Variants in POFUT3 observed in about 807,000 individuals in gnomAD.
POFUT3 encodes the protein protein O-fucosyltransferase 3.
At chr8:33,439,002 C>CA in the POFUT3 span, among the ~76,000 whole-genome samples, 1 of 152,134 alleles carries the variant, frequency 6.6e-6, no homozygotes, top group East Asian at 1.9e-4. Context: ...ATATCACCCA[C>CA]AAAAAATACA....
chr8:33,458,912 A>G, the POFUT3 span, among the ~76,000 whole-genome samples: 2 of 152,166 alleles, frequency 1.3e-5, no homozygotes, highest in Non-Finnish European at 2.9e-5. Flanking sequence ...TGTCTGCCAA[A>G]GTGCTTTTAT....
At chr8:33,457,349 A>G in the POFUT3 span, among the ~76,000 whole-genome samples, 1 of 152,116 alleles carries the variant, frequency 6.6e-6, no homozygotes, top group Non-Finnish European at 1.5e-5. Flanking sequence ...TACAAAAATT[A>G]GCTGTGCGTG....
the POFUT3 span, among the ~76,000 whole-genome samples, chr8:33,431,236 G>A: frequency 6.6e-6 from 1 of 151,898 alleles, no homozygotes; most frequent in Non-Finnish European, 1.5e-5. Context: ...GGCTAATCAT[G>A]CCCATGTGGC....
chr8:33,387,115 G>A, the POFUT3 span, among the ~76,000 whole-genome samples: 2 of 152,088 alleles, frequency 1.3e-5, no homozygotes, highest in South Asian at 4.1e-4. Flanking sequence ...GTGTGTGTGT[G>A]TGTGTATTTA....
At chr8:33,459,564 G>T in the POFUT3 span, among the ~76,000 whole-genome samples, 2 of 151,176 alleles carry the variant, frequency 1.3e-5, no homozygotes, top group Non-Finnish European at 2.9e-5. Flanking sequence ...ATTTTTTTGA[G>T]CCTGGGAGGT....
chr8:33,380,056 A>AG, the POFUT3 span, among the ~76,000 whole-genome samples: 2 of 79,820 alleles, frequency 2.5e-5, no homozygotes, highest in African/African-American at 1.3e-4. Flanking sequence ...TATACACTAT[A>AG]TATATACACT....
At chr8:33,316,162 G>C in the POFUT3 span, among the ~76,000 whole-genome samples, 2 of 152,248 alleles carry the variant, frequency 1.3e-5, no homozygotes, top group South Asian at 2.1e-4. Context: ...ATGGGGATAA[G>C]AGAGGTTCTG....
chr8:33,411,216 T>C, the POFUT3 span, among the ~76,000 whole-genome samples: 1 of 152,134 alleles, frequency 6.6e-6, no homozygotes, highest in East Asian at 1.9e-4. Context: ...AAGGTACATA[T>C]GAATATTAAG....
the POFUT3 span, among the ~76,000 whole-genome samples, chr8:33,381,547 C>T: frequency 6.6e-6 from 1 of 152,308 alleles, no homozygotes; most frequent in Admixed American, 6.5e-5. Flanking sequence ...AGTTCATGCT[C>T]TCCTGGTAAG....
the POFUT3 span, among the ~76,000 whole-genome samples, chr8:33,409,466 C>T: frequency 2.9e-3 from 436 of 152,342 alleles, 4 homozygotes; most frequent in African/African-American, 9.7e-3. Context: ...TTACTCCACT[C>T]CCTTATCTAA....
chr8:33,319,897 T>G, the POFUT3 span, among the ~76,000 whole-genome samples: 1 of 148,164 alleles, frequency 6.7e-6, no homozygotes, highest in Non-Finnish European at 1.5e-5. Flanking sequence ...GCACCTGGAC[T>G]TGAGTTACTG....
the POFUT3 span, among the ~76,000 whole-genome samples, chr8:33,312,710 C>T: frequency 1.3e-5 from 2 of 152,096 alleles, no homozygotes; most frequent in African/African-American, 4.8e-5. Flanking sequence ...TCATCCTGTG[C>T]AGTTTGTGGC....
the POFUT3 span, among the ~76,000 whole-genome samples, chr8:33,401,277 T>C: frequency 0.29 from 43,755 of 152,018 alleles, 6,666 homozygotes; most frequent in East Asian, 0.47. Flanking sequence ...TGAGCCACTG[T>C]GCCTGGCCTA....
chr8:33,353,795 AT>A, the POFUT3 span, among the ~76,000 whole-genome samples: 1 of 152,098 alleles, frequency 6.6e-6, no homozygotes, highest in African/African-American at 2.4e-5. Context: ...GGTTGTTAGA[AT>A]TTATCTCTCT....
the POFUT3 span, among the ~76,000 whole-genome samples, chr8:33,370,055 G>C: frequency 6.6e-6 from 1 of 151,750 alleles, no homozygotes; most frequent in Non-Finnish European, 1.5e-5. Flanking sequence ...TGAATGGCCA[G>C]GCGCAGTGGC....
chr8:33,389,732 T>G, the POFUT3 span: 1 of 1,614,170 alleles, frequency 6.2e-7, no homozygotes, highest in South Asian at 1.1e-5. Context: ...GGACTCTTCA[T>G]GAAAAACAGC....
the POFUT3 span, among the ~76,000 whole-genome samples, chr8:33,404,415 T>A: frequency 6.6e-6 from 1 of 150,902 alleles, no homozygotes; most frequent in Non-Finnish European, 1.5e-5. Context: ...TTTGGGAGTG[T>A]GGGATGTGCT....
At chr8:33,354,417 A>G in the POFUT3 span, among the ~76,000 whole-genome samples, 2 of 152,156 alleles carry the variant, frequency 1.3e-5, no homozygotes, top group Non-Finnish European at 2.9e-5. Context: ...CAGTAGGAGG[A>G]TAATTCCCAA....
At chr8:33,423,915 G>A in the POFUT3 span, among the ~76,000 whole-genome samples, 1 of 151,768 alleles carries the variant, frequency 6.6e-6, no homozygotes, top group Admixed American at 6.6e-5. Context: ...AAAGCGGGTG[G>A]ATCATTTCAG....
Sources: gnomAD v4.1 joint callset for allele counts (sites outside exome capture counted in the v4.1 genomes callset) on GRCh38, gnomAD v4.1.1 for gene constraint, MANE v1.5 for transcripts, NCBI Gene and HGNC (gene_info 2026-07-23, HGNC 2026-07-21) for gene names.